The following HERC3 variants were observed in gnomAD, a reference collection of about 807,000 sequenced individuals.
HERC3 encodes probable E3 ubiquitin-protein ligase HERC3.
In HERC3, 58 loss-of-function variants were observed where a neutral mutation model predicts 129.9. The observed-to-expected ratio is 0.45, with a 90% CI of 0.36 to 0.56. The LOEUF (loss-of-function observed/expected upper bound fraction) is 0.56. HERC3 is among the 20% of genes least tolerant of loss of function. The probability of loss-of-function intolerance (pLI) is 0.00; values close to 1 mark genes in which losing one functional copy is unlikely to be tolerated. For synonymous variants in HERC3, 430 were observed against 451.0 expected, an observed-to-expected ratio of 0.95 and a Z score of 0.59; for missense variants, 835 against 1,244.2, an observed-to-expected ratio of 0.67 and a Z score of 4.95.
chr4:88,581,273 T>A, the HERC3 span, among the ~76,000 whole-genome samples: 2 of 150,838 alleles, frequency 1.3e-5, no homozygotes, highest in African/African-American at 4.9e-5. Context: ...AAAAATATAT[T>A]CTTTCTATTT....
At chr4:88,587,289 A>G in the HERC3 span, among the ~76,000 whole-genome samples, 2 of 152,236 alleles carry the variant, frequency 1.3e-5, no homozygotes, top group African/African-American at 4.8e-5. Context: ...CTTCTGAGGT[A>G]TGCTAAAGGT....
At chr4:88,548,670 T>C in the HERC3 span, among the ~76,000 whole-genome samples, 1 of 151,836 alleles carries the variant, frequency 6.6e-6, no homozygotes, top group Middle Eastern at 3.4e-3. Context: ...TTTTCTTTTT[T>C]TTTTTTTTGA....
chr4:88,549,741 G>A, the HERC3 span, among the ~76,000 whole-genome samples: 2 of 149,322 alleles, frequency 1.3e-5, no homozygotes, highest in African/African-American at 2.5e-5. Context: ...GTCTCGCTCT[G>A]TCACCCAGAT....
At chr4:88,527,726 G>T in the HERC3 span, 1 of 302,256 alleles carries the variant, frequency 3.3e-6, no homozygotes, top group Non-Finnish European at 6.5e-6. Context: ...GGCTGCATAG[G>T]TTCTGTCAAG....
At chr4:88,611,368 G>A (rs759476781) in intron 3 of HERC3, among the ~76,000 whole-genome samples, 7 of 152,346 alleles carry the variant, frequency 4.6e-5, no homozygotes, top group Non-Finnish European at 8.8e-5. Flanking sequence ...ACATGGAAGG[G>A]AAGTCTGTGG....
the HERC3 span, among the ~76,000 whole-genome samples, chr4:88,555,662 T>C: frequency 6.6e-6 from 1 of 152,244 alleles, no homozygotes; most frequent in African/African-American, 2.4e-5. Context: ...ATATTTCAAG[T>C]GGATATGAAG....
chr4:88,704,664 A>C, intron 25 of HERC3, 54 bp downstream of exon 25: 1 of 1,090,914 alleles, frequency 9.2e-7, no homozygotes, highest in South Asian at 1.3e-5. Flanking sequence ...TCTTACATAC[A>C]GTATAGGATG....
At chr4:88,551,765 C>CCAG in the HERC3 span, among the ~76,000 whole-genome samples, 1 of 152,032 alleles carries the variant, frequency 6.6e-6, no homozygotes, top group Non-Finnish European at 1.5e-5. Context: ...ACCATTTGAC[C>CCAG]CAGCCATCCC....
intron 16 of HERC3, among the ~76,000 whole-genome samples, chr4:88,671,922 C>T (rs1414531149): frequency 6.6e-6 from 1 of 152,118 alleles, no homozygotes. Flanking sequence ...TTTTCACTTT[C>T]AAATTTAGGA....
upstream of HERC3, among the ~76,000 whole-genome samples, chr4:88,589,958 T>G (rs538074818): frequency 1.3e-5 from 2 of 152,268 alleles, no homozygotes; most frequent in East Asian, 3.9e-4. Context: ...TTCCTCAAGA[T>G]GAAATTTCAT....
At chr4:88,596,772 G>A (rs1722440727) in intron 2 of HERC3, among the ~76,000 whole-genome samples, 1 of 152,196 alleles carries the variant, frequency 6.6e-6, no homozygotes, top group Non-Finnish European at 1.5e-5. Context: ...CTCCCTTTGT[G>A]CTCCTTCCAG....
At chr4:88,593,165 C>G (rs1721926821) in intron 1 of HERC3, 1 of 152,106 alleles carries the variant, frequency 6.6e-6, no homozygotes, top group Admixed American at 6.5e-5. Context: ...GGGCCCGGCA[C>G]CACCCACTTC....
intron 2 of HERC3, among the ~76,000 whole-genome samples, chr4:88,595,941 C>T (rs952817460): frequency 2.0e-5 from 3 of 149,436 alleles, no homozygotes; most frequent in African/African-American, 2.5e-5. Context: ...CTCCGCCCCC[C>T]GGGGTTCATG....
At chr4:88,588,663 T>C (rs919597574), upstream of HERC3, among the ~76,000 whole-genome samples, 1 of 152,208 alleles carries the variant, frequency 6.6e-6, no homozygotes, top group East Asian at 1.9e-4. Flanking sequence ...TCTTTCAAAG[T>C]TTACCAAGTA....
At chr4:88,693,017 T>C (rs1170838797) in intron 23 of HERC3, 20 of 979,396 alleles carry the variant, frequency 2.0e-5, no homozygotes, top group Non-Finnish European at 2.4e-5. Context: ...TGGAATGGAA[T>C]GTCTGAATTT....
In HERC3 at chr4:88,592,490, T is replaced by C. The variant is rs1721786743; in HGVS notation, c.-172T>C. On this transcript the variant is annotated 5_prime_UTR_variant, in exon 1 of 26. Transcript: ENST00000402738. ...TTGCGGGGAAACTTCCTTATTATTG[T>C]GACGCCGAAAACGGAGAAACCCCGG... 1 of 152,274 alleles carries C rather than the reference T, an allele frequency of 6.6e-6. No individual in the cohort carries two copies. 9.4% of individuals were successfully genotyped at this position (152,274 alleles called of 1,614,324 possible).
chr4:88,590,023 T>G (rs2149158480), upstream of HERC3, among the ~76,000 whole-genome samples: 1 of 152,250 alleles, frequency 6.6e-6, no homozygotes, highest in Non-Finnish European at 1.5e-5. Flanking sequence ...ATCTCAGCAC[T>G]TTGGGAGGCC....
intron 6 of HERC3, 110 bp from the exon 7 acceptor site, chr4:88,653,932 A>G (rs1357491834): frequency 1.3e-6 from 1 of 755,932 alleles, no homozygotes; most frequent in Non-Finnish European, 2.3e-6. Flanking sequence ...CAGGCAGGAA[A>G]CTGAACATGC....
At chr4:88,644,218 A>C (rs1442425634) in intron 3 of HERC3, among the ~76,000 whole-genome samples, 3 of 152,156 alleles carry the variant, frequency 2.0e-5, no homozygotes, top group Non-Finnish European at 1.5e-5. Context: ...ATGATTTGGC[A>C]GGTTTTTTCT....
Sources: allele counts gnomAD v4.1 joint callset (sites outside exome capture counted in the v4.1 genomes callset), GRCh38; gene constraint gnomAD v4.1.1; transcripts MANE v1.5; gene names NCBI Gene and HGNC (gene_info 2026-07-23, HGNC 2026-07-21).